The following L3MBTL4 variants were observed in gnomAD, a reference collection of about 807,000 sequenced individuals.
The protein encoded by L3MBTL4 is lethal(3)malignant brain tumor-like protein 4.
L3MBTL4 carries 70 observed loss-of-function variants against 84.5 expected under a neutral mutation model. The observed-to-expected ratio is 0.83, with a 90% CI of 0.68 to 1.01. The LOEUF is 1.01. L3MBTL4 is among the 50% of genes least tolerant of loss of function. The pLI is 0.00. For synonymous variants in L3MBTL4, 274 were observed against 259.8 expected (o/e 1.05, Z -0.52); for missense variants, 715 against 754.8 (o/e 0.95, Z 0.62).
chr18:6,019,704 A>C (rs1302173748), intron 16 of L3MBTL4, among the ~76,000 whole-genome samples: 1 of 152,212 alleles, frequency 6.6e-6, no homozygotes, highest in Non-Finnish European at 1.5e-5. Context: ...AAGTCAGGTT[A>C]ATTCACCCAA....
intron 14 of L3MBTL4, among the ~76,000 whole-genome samples, chr18:6,118,234 C>G (rs1222635755): frequency 6.6e-6 from 1 of 152,098 alleles, no homozygotes; most frequent in African/African-American, 2.4e-5. Context: ...CACACGAGCA[C>G]TTGCTCTGTG....
At chr18:5,967,665 T>G (rs886361429) in intron 17 of L3MBTL4, among the ~76,000 whole-genome samples, 4 of 152,104 alleles carry the variant, frequency 2.6e-5, no homozygotes, top group African/African-American at 7.2e-5. Flanking sequence ...CAGGCCAGAG[T>G]GCAGATGCCC....
Position 5,955,063 on chromosome 18 carries a change from C to T in L3MBTL4, c.*1157G>A, listed in dbSNP as rs1013053275. On this transcript the variant is annotated 3_prime_UTR_variant, in exon 19 of 19. Coordinates refer to ENST00000317931, the MANE Select transcript of L3MBTL4 (RefSeq NM_001330559.2). Reference sequence around the variant, plus strand: ...TTTCTCCCCACCCACAAATGGTGTCCCTCCACTTCTGGGAGAGTATTTGTA... The same window carrying T: ...TTTCTCCCCACCCACAAATGGTGTCTCTCCACTTCTGGGAGAGTATTTGTA... The T allele has an allele frequency of 3.9e-5, 6 of 152,142 alleles. No individual in the cohort carries two copies. The highest frequency in any genetic ancestry group is 2.0e-4 in the Admixed American group (3 of 15,268). The allele number at this position is 152,142 out of a possible 1,614,324, so 9.4% of individuals were successfully genotyped here.
At chr18:6,390,536 C>G (rs341213) in intron 1 of L3MBTL4, among the ~76,000 whole-genome samples, 78,539 of 151,880 alleles carry the variant, frequency 0.52, 20,367 homozygotes, top group East Asian at 0.59. Flanking sequence ...GAAACAAAAA[C>G]CTGGTTCTTT....
intron 16 of L3MBTL4, among the ~76,000 whole-genome samples, chr18:6,074,521 A>G (rs575333113): frequency 6.6e-6 from 1 of 152,364 alleles, no homozygotes; most frequent in African/African-American, 2.4e-5. Flanking sequence ...TTGGTCACTG[A>G]TGATGATGAG....
At chr18:6,145,814 G>A (rs1162267303) in intron 13 of L3MBTL4, among the ~76,000 whole-genome samples, 1 of 152,144 alleles carries the variant, frequency 6.6e-6, no homozygotes, top group Admixed American at 6.5e-5. Flanking sequence ...CCTTTGCTAG[G>A]GATATGGCGG....
intron 4 of L3MBTL4, among the ~76,000 whole-genome samples, chr18:6,278,864 TAA>T (rs76899503): frequency 7.0e-6 from 1 of 143,158 alleles, no homozygotes. Flanking sequence ...CGCTTTTACT[TAA>T]AAAAAAAAAA....
At chr18:6,232,236 AC>A (rs1206125510) in intron 10 of L3MBTL4, among the ~76,000 whole-genome samples, 3 of 152,094 alleles carry the variant, frequency 2.0e-5, no homozygotes, top group Non-Finnish European at 4.4e-5. Flanking sequence ...AATAAATCCC[AC>A]TTGGTTATGG....
intron 16 of L3MBTL4, among the ~76,000 whole-genome samples, chr18:6,005,671 A>AT (rs987406513): frequency 6.6e-6 from 1 of 151,764 alleles, no homozygotes; most frequent in Admixed American, 6.6e-5. Context: ...ACGTGACTTC[A>AT]TTTTTTTTAC....
intron 1 of L3MBTL4, among the ~76,000 whole-genome samples, chr18:6,318,775 A>AC: frequency 6.6e-6 from 1 of 152,068 alleles, no homozygotes; most frequent in Non-Finnish European, 1.5e-5. Context: ...TGATAGAACA[A>AC]ATGAAGCTAA....
chr18:6,299,757 C>A (rs994306903), intron 4 of L3MBTL4, among the ~76,000 whole-genome samples: 16 of 152,176 alleles, frequency 1.1e-4, no homozygotes, highest in African/African-American at 3.6e-4. Context: ...ACAGCCTCGA[C>A]CTTCTGAGTT....
chr18:6,127,608 T>C (rs945491996), intron 14 of L3MBTL4, among the ~76,000 whole-genome samples: 9 of 152,104 alleles, frequency 5.9e-5, no homozygotes, highest in Non-Finnish European at 1.5e-5. Context: ...AAAATAGCAA[T>C]AAATGAATAA....
chr18:6,381,631 C>A (rs2054599008), intron 1 of L3MBTL4, among the ~76,000 whole-genome samples: 1 of 152,222 alleles, frequency 6.6e-6, no homozygotes, highest in African/African-American at 2.4e-5. Context: ...GTTCAAAATT[C>A]TTCTCTTTAA....
intron 1 of L3MBTL4, among the ~76,000 whole-genome samples, chr18:6,325,075 A>G (rs2051645425): frequency 6.6e-6 from 1 of 152,134 alleles, no homozygotes; most frequent in Non-Finnish European, 1.5e-5. Context: ...AAATGTTGCA[A>G]CCCATAAAAA....
At chr18:6,327,301 G>A (rs999305003) in intron 1 of L3MBTL4, among the ~76,000 whole-genome samples, 1 of 152,104 alleles carries the variant, frequency 6.6e-6, no homozygotes, top group African/African-American at 2.4e-5. Flanking sequence ...TAGCACATGT[G>A]CAAAAGGTAC....
At chr18:5,972,621 T>A (rs1188964195) in intron 16 of L3MBTL4, among the ~76,000 whole-genome samples, 3 of 152,150 alleles carry the variant, frequency 2.0e-5, no homozygotes, top group African/African-American at 7.2e-5. Context: ...TCGCGGGGGC[T>A]GTTTTGCCTT....
At chr18:6,398,751 C>T (rs1335266996) in intron 1 of L3MBTL4, among the ~76,000 whole-genome samples, 5 of 14,286 alleles carry the variant, frequency 3.5e-4, no homozygotes, top group Admixed American at 2.0e-3. Flanking sequence ...TGCGGGGGGG[C>T]GGGGGCGGGG....
intron 1 of L3MBTL4, among the ~76,000 whole-genome samples, chr18:6,360,231 G>C (rs2053624368): frequency 6.6e-6 from 1 of 152,186 alleles, no homozygotes. Context: ...ATTTAGCGGG[G>C]TGTGGAGGTG....
chr18:6,384,657 T>C (rs2144409618), intron 1 of L3MBTL4, among the ~76,000 whole-genome samples: 1 of 152,344 alleles, frequency 6.6e-6, no homozygotes, highest in Middle Eastern at 3.4e-3. Context: ...CCCACCCTGT[T>C]CTGAATATAG....
Sources: gnomAD v4.1 joint callset for allele counts (sites outside exome capture counted in the v4.1 genomes callset) on GRCh38, gnomAD v4.1.1 for gene constraint, MANE v1.5 for transcripts, NCBI Gene and HGNC (gene_info 2026-07-23, HGNC 2026-07-21) for gene names.